SORCS1: variants seen among roughly 807,000 people sequenced by gnomAD.
The protein encoded by SORCS1 is sortilin related VPS10 domain containing receptor 1.
Under a neutral mutation model 146.1 loss-of-function variants are expected in SORCS1, and 60 were observed. The ratio of observed to expected loss-of-function variants is 0.41; its 90% CI spans 0.33 to 0.51. The LOEUF (loss-of-function observed/expected upper bound fraction) is 0.51, where lower values mean the gene tolerates loss of function less well. Among genes scored for constraint, SORCS1 ranks in the 20% least tolerant of loss-of-function variants. The probability of loss-of-function intolerance (pLI) is 0.21; values close to 1 mark genes in which losing one functional copy is unlikely to be tolerated. For synonymous variants in SORCS1, 637 were observed against 584.0 expected (o/e 1.09, Z -1.31); for missense variants, 1,352 against 1,487.6 (o/e 0.91, Z 1.50).
intron 22 of SORCS1, 27 bp downstream of exon 22, chr10:106,611,884 G>A (rs772574691): frequency 1.3e-6 from 2 of 1,529,390 alleles, no homozygotes; most frequent in Admixed American, 1.7e-5. Context: ...AGGTACCCGG[G>A]CAAGAGAAGA....
intron 2 of SORCS1, among the ~76,000 whole-genome samples, chr10:106,911,364 G>C (rs933648943): frequency 6.6e-6 from 1 of 152,142 alleles, no homozygotes; most frequent in Admixed American, 6.5e-5. Flanking sequence ...AGTAGCAGGG[G>C]GGTCACTGCT....
intron 2 of SORCS1, among the ~76,000 whole-genome samples, chr10:106,940,797 C>G (rs1340695388): frequency 2.0e-5 from 3 of 152,196 alleles, no homozygotes; most frequent in Non-Finnish European, 4.4e-5. Context: ...AGCAGGAGAA[C>G]TGCTTGAACC....
chr10:107,101,328 G>A (rs1158265251), intron 1 of SORCS1, among the ~76,000 whole-genome samples: 1 of 152,188 alleles, frequency 6.6e-6, no homozygotes, highest in East Asian at 1.9e-4. Context: ...TTACAGGCGT[G>A]AGCCACCGTG....
At chr10:106,857,351 T>G (rs1949828351) in intron 2 of SORCS1, among the ~76,000 whole-genome samples, 1 of 152,146 alleles carries the variant, frequency 6.6e-6, no homozygotes, top group Non-Finnish European at 1.5e-5. Flanking sequence ...ACTGCCAAGG[T>G]CACAAAGCAA....
chr10:106,776,388 G>T (rs1860433939), intron 4 of SORCS1, 146 bp downstream of exon 4: 1 of 960,102 alleles, frequency 1.0e-6, no homozygotes. Context: ...GACTCTCCTT[G>T]CTTTCCCTTG....
At chr10:107,019,436 G>T (rs924012688) in intron 1 of SORCS1, among the ~76,000 whole-genome samples, 4 of 152,018 alleles carry the variant, frequency 2.6e-5, no homozygotes, top group African/African-American at 7.2e-5. Flanking sequence ...ATATGAGTTG[G>T]GAATCCACAG....
At chr10:107,180,385 TTGGC>T in the SORCS1 span, among the ~76,000 whole-genome samples, 34,909 of 152,026 alleles carry the variant, frequency 0.23, 4,169 homozygotes, top group African/African-American at 0.29. Context: ...GCCAAAGGTG[TTGGC>T]TGGGCTTAGG....
chr10:106,824,014 C>A (rs1449881869), intron 3 of SORCS1, among the ~76,000 whole-genome samples: 1 of 152,112 alleles, frequency 6.6e-6, no homozygotes, highest in Non-Finnish European at 1.5e-5. Context: ...TCAAAAGTCA[C>A]ATACATGGGC....
rs550656662 is a variant in SORCS1 at position 106,996,214 on chromosome 10, G to A, written c.559-39634C>T. ...TGTACTCCAGCCTGGGCGACAGAGCGAGACTCCATCTAAAAAAAAAAAAAA... is the reference window on the plus strand; with the variant it reads ...TGTACTCCAGCCTGGGCGACAGAGCAAGACTCCATCTAAAAAAAAAAAAAA... On this transcript the variant is annotated intron_variant, in intron 1 of 25. Coordinates refer to ENST00000263054, the MANE Select transcript of SORCS1 (RefSeq NM_052918.5). Among the ~76,000 whole-genome samples the A allele has an allele frequency of 6.7e-4, 94 of 139,442 alleles. 1 individual carries two copies. Among genetic ancestry groups the A allele is most frequent in the African/African-American group, 2.4e-3 (85 of 36,078 alleles). 91.5% of individuals were successfully genotyped at this position (139,442 alleles called of 152,430 possible).
At chr10:106,838,413 T>C (rs1308863094) in intron 2 of SORCS1, among the ~76,000 whole-genome samples, 1 of 152,204 alleles carries the variant, frequency 6.6e-6, no homozygotes, top group Non-Finnish European at 1.5e-5. Context: ...TTTGTTACAA[T>C]CAAAGAACCT....
intron 1 of SORCS1, among the ~76,000 whole-genome samples, chr10:107,053,445 C>T (rs901911481): frequency 2.0e-5 from 3 of 152,000 alleles, no homozygotes; most frequent in Non-Finnish European, 2.9e-5. Context: ...AGGTTAGGTA[C>T]GTAGTTGTAT....
At chr10:106,985,079 C>T (rs1413263795) in intron 1 of SORCS1, among the ~76,000 whole-genome samples, 2 of 152,064 alleles carry the variant, frequency 1.3e-5, no homozygotes, top group Non-Finnish European at 2.9e-5. Flanking sequence ...CCCAGCTACT[C>T]AGGAGGCTGA....
chr10:107,171,856 A>G, the SORCS1 span, among the ~76,000 whole-genome samples: 1 of 152,312 alleles, frequency 6.6e-6, no homozygotes, highest in East Asian at 1.9e-4. Flanking sequence ...TGGAGATACT[A>G]TAGAGTGTGA....
At chr10:106,865,190 T>C (rs1462655406) in intron 2 of SORCS1, among the ~76,000 whole-genome samples, 1 of 152,080 alleles carries the variant, frequency 6.6e-6, no homozygotes, top group Admixed American at 6.5e-5. Context: ...GGGTCCCTGA[T>C]CCAGTTCCTC....
At chr10:106,921,864 G>A (rs1239286978) in intron 2 of SORCS1, among the ~76,000 whole-genome samples, 1 of 152,098 alleles carries the variant, frequency 6.6e-6, no homozygotes, top group Non-Finnish European at 1.5e-5. Context: ...TATGTTGCCT[G>A]CATTTCCAGA....
chr10:107,147,964 T>C (rs529869728), intron 1 of SORCS1, among the ~76,000 whole-genome samples: 30 of 151,964 alleles, frequency 2.0e-4, no homozygotes, highest in Non-Finnish European at 4.0e-4. Flanking sequence ...AGACAGGAGG[T>C]GATATCCAAA....
Position 107,148,320 on chromosome 10 carries a change from C to G in SORCS1, c.558+15649G>C, listed in dbSNP as rs78992474. Reference sequence around the variant, plus strand: ...ATTTTAGGTTTGTGAGCTATACGGTCTCTGTCACAACTATTCAACTTTGTT... The same window carrying G: ...ATTTTAGGTTTGTGAGCTATACGGTGTCTGTCACAACTATTCAACTTTGTT... On this transcript the variant is annotated intron_variant, in intron 1 of 25. Transcript: ENST00000263054. Among the ~76,000 whole-genome samples the G allele has an allele frequency of 4.8e-3, 728 of 152,350 alleles. 7 individuals carry two copies. The highest frequency in any genetic ancestry group is 0.016 in the African/African-American group (677 of 41,580).
At chr10:107,167,500 A>C (rs1970080447), upstream of SORCS1, among the ~76,000 whole-genome samples, 1 of 152,156 alleles carries the variant, frequency 6.6e-6, no homozygotes, top group Non-Finnish European at 1.5e-5. Context: ...ACTTCATCTA[A>C]GTTATCATCA....
At chr10:107,109,099 G>C (rs556303929) in intron 1 of SORCS1, among the ~76,000 whole-genome samples, 33 of 152,298 alleles carry the variant, frequency 2.2e-4, no homozygotes, top group African/African-American at 6.7e-4. Context: ...ACAGTGTGTT[G>C]AGTGCCTGAG....
Sources: gnomAD v4.1 joint callset for allele counts (sites outside exome capture counted in the v4.1 genomes callset) on GRCh38, gnomAD v4.1.1 for gene constraint, MANE v1.5 for transcripts, NCBI Gene and HGNC (gene_info 2026-07-23, HGNC 2026-07-21) for gene names.